The following MAP2K4 variants were observed in gnomAD, a reference collection of about 807,000 sequenced individuals.
MAP2K4 encodes dual specificity mitogen-activated protein kinase kinase 4.
In MAP2K4, 4 loss-of-function variants were observed where a neutral mutation model predicts 48.5. That is an observed-to-expected ratio of 0.08 (90% CI 0.04 to 0.19). MAP2K4 has a LOEUF of 0.19. MAP2K4 is among the 10% of genes least tolerant of loss of function. The pLI is 1.00. For missense variants in MAP2K4, 258 were observed against 493.3 expected, an observed-to-expected ratio of 0.52 and a Z score of 4.52; for synonymous variants, 166 against 173.1, an observed-to-expected ratio of 0.96 and a Z score of 0.32.
chr17:12,067,194 T>C (rs958005846), intron 2 of MAP2K4, among the ~76,000 whole-genome samples: 10 of 152,232 alleles, frequency 6.6e-5, no homozygotes, highest in Non-Finnish European at 1.3e-4. Flanking sequence ...TAGTTCCTTA[T>C]TGGTAGCTAT....
chr17:12,066,848 C>T (rs1336477607), intron 2 of MAP2K4, among the ~76,000 whole-genome samples: 4 of 152,240 alleles, frequency 2.6e-5, no homozygotes, highest in Admixed American at 2.6e-4. Flanking sequence ...CGCCACTGCG[C>T]CCGGCTAATT....
chr17:12,050,732 G>A (rs1215182795), intron 1 of MAP2K4, among the ~76,000 whole-genome samples: 1 of 152,084 alleles, frequency 6.6e-6, no homozygotes, highest in African/African-American at 2.4e-5. Flanking sequence ...GAATATTCAG[G>A]GCTCTTTATC....
chr17:12,080,362 A>G (rs965485614), intron 2 of MAP2K4, among the ~76,000 whole-genome samples: 3 of 152,168 alleles, frequency 2.0e-5, no homozygotes, highest in African/African-American at 4.8e-5. Context: ...CATTGTGTGT[A>G]TGGTTGATAG....
intron 1 of MAP2K4, among the ~76,000 whole-genome samples, chr17:12,022,904 A>T (rs1177704246): frequency 6.6e-6 from 1 of 152,170 alleles, no homozygotes; most frequent in Non-Finnish European, 1.5e-5. Flanking sequence ...TAGGCAGAGG[A>T]ACTGTGTGTA....
At chr17:12,078,838 CTG>C (rs1971095680) in intron 2 of MAP2K4, among the ~76,000 whole-genome samples, 1 of 152,088 alleles carries the variant, frequency 6.6e-6, no homozygotes, top group African/African-American at 2.4e-5. Context: ...AGTGCTGTAT[CTG>C]TGTATAGTCC....
At chr17:12,096,530 G>T (rs1398164089) in intron 4 of MAP2K4, among the ~76,000 whole-genome samples, 1 of 152,104 alleles carries the variant, frequency 6.6e-6, no homozygotes, top group Non-Finnish European at 1.5e-5. Context: ...GAACTGCTAA[G>T]CATTTCAAAT....
chr17:12,104,871 T>G, intron 4 of MAP2K4, among the ~76,000 whole-genome samples: 1 of 152,154 alleles, frequency 6.6e-6, no homozygotes, highest in East Asian at 1.9e-4. Flanking sequence ...AACTTTTGCT[T>G]TTTGCAAAAT....
At chr17:12,110,354 A>T in intron 5 of MAP2K4, 21 bp from the exon 6 acceptor site, 1 of 1,586,684 alleles carries the variant, frequency 6.3e-7, no homozygotes, top group Non-Finnish European at 8.6e-7. Context: ...TGTTTATCCC[A>T]TCTCTCCTTT....
rs575839656 is a variant in MAP2K4, at chr17:12,060,746, T to C, written c.218+5755T>C. ...ACTATGGGGTGTGTGTGTGTGTGTG[T>C]GCGCGCGTGTGTGTGTGTGGCTGGT... On this transcript the variant is annotated intron_variant, in intron 2 of 10. Coordinates refer to ENST00000353533, the MANE Select transcript of MAP2K4 (RefSeq NM_003010.4). Among the ~76,000 whole-genome samples, 303 of 143,680 alleles carry C rather than the reference T, an allele frequency of 2.1e-3. 2 individuals carry two copies. The highest frequency in any genetic ancestry group is 6.4e-3 in the South Asian group (27 of 4,208). The allele number at this position is 143,680 out of a possible 152,430, so 94.3% of individuals were successfully genotyped here.
rs28922869 is a variant in MAP2K4, at chr17:12,074,509, A to G, written c.219-6847A>G. On this transcript the variant is annotated intron_variant, in intron 2 of 10. Transcript: ENST00000353533. ...CTTCTAACTACTTTATTGGTTTCCA[A>G]TCAGGAAGCTTTCCACTCCAGTGGC... Among the ~76,000 whole-genome samples the G allele has an allele frequency of 1.0e-3, 152 of 152,304 alleles. 1 individual carries two copies. The highest frequency in any genetic ancestry group is 3.2e-3 in the African/African-American group (132 of 41,562).
At chr17:12,112,735 G>C (rs755585199) in intron 6 of MAP2K4, among the ~76,000 whole-genome samples, 5 of 152,116 alleles carry the variant, frequency 3.3e-5, no homozygotes, top group African/African-American at 7.2e-5. Flanking sequence ...AATGAGAAAG[G>C]GATTTGACAT....
Position 12,054,943 on chromosome 17 carries a change from C to G in MAP2K4, c.170C>G (p.Ala57Gly), listed in dbSNP as rs1348785378. ...NFANPPFKST[A>G]RFTLNPNPTG... ...GCAAATCCACCTTTCAAATCTACAG[C>G]AAGGTTTACTCTGAATCCCAATCCT... The change falls in exon 2 of 11, where the codon GCA (alanine) becomes GGA (glycine). Residue 57 changes from alanine to glycine, a missense_variant. Physicochemically the swap from Ala to Gly is moderately conservative, Grantham distance 60. This residue lies in a region of MAP2K4 where 132 missense variants were observed against 352.8 expected (regional missense o/e 0.37). Transcript: ENST00000353533. 3 of 1,612,424 alleles carry G rather than the reference C, an allele frequency of 1.9e-6. No individual in the cohort carries two copies. In the Admixed American group the frequency reaches 5.0e-5, roughly 27 times the overall value.
At position 12,069,573 on chromosome 17, in the gene MAP2K4, A is replaced by G. The variant is rs74910207; in HGVS notation, c.219-11783A>G. 4.5e-3 allele frequency: 1,169 copies of G among 260,874 alleles called. 19 individuals are homozygous for G. Among genetic ancestry groups the G allele is most frequent in the African/African-American group, 0.026 (1,128 of 43,546 alleles). The allele number at this position is 260,874 out of a possible 1,614,324, so 16.2% of individuals were successfully genotyped here. The stretch of plus-strand genomic sequence containing the variant: ...TACATTCTGTTCACTAAATATGAGT[A>G]TCAGAATTTGAAATTTTCTATTTAG... On this transcript the variant is annotated intron_variant, in intron 2 of 10. Coordinates refer to ENST00000353533, the MANE Select transcript of MAP2K4 (RefSeq NM_003010.4).
At chr17:12,077,931 A>G (rs1373414576) in intron 2 of MAP2K4, among the ~76,000 whole-genome samples, 24 of 152,180 alleles carry the variant, frequency 1.6e-4, no homozygotes, top group Non-Finnish European at 4.4e-5. Context: ...ATATGAGAAG[A>G]GAGTGAACTC....
intron 1 of MAP2K4, among the ~76,000 whole-genome samples, chr17:12,034,238 T>C (rs762553113): frequency 1.1e-4 from 16 of 152,372 alleles, no homozygotes; most frequent in South Asian, 4.1e-4. Flanking sequence ...TAAAAATGCT[T>C]TTGAATCTTC....
chr17:12,114,401 TG>T, intron 7 of MAP2K4, among the ~76,000 whole-genome samples: 1 of 91,616 alleles, frequency 1.1e-5, no homozygotes, highest in Admixed American at 1.1e-4. Context: ...TGTGTGTGTG[TG>T]TGTGTGTGTG....
chr17:12,086,599 C>T (rs57789434), intron 3 of MAP2K4, among the ~76,000 whole-genome samples: 1,605 of 152,288 alleles, frequency 0.011, 24 homozygotes, highest in African/African-American at 0.037. Context: ...ACTCTACCTG[C>T]AGCCATATTG....
chr17:12,043,565 C>T (rs1332611443), intron 1 of MAP2K4, among the ~76,000 whole-genome samples: 2 of 152,040 alleles, frequency 1.3e-5, no homozygotes, highest in Non-Finnish European at 2.9e-5. Context: ...TCAAACTTGA[C>T]CACAACCCCC....
intron 9 of MAP2K4, among the ~76,000 whole-genome samples, chr17:12,133,016 A>G (rs1211785349): frequency 6.6e-6 from 1 of 152,182 alleles, no homozygotes; most frequent in African/African-American, 2.4e-5. Flanking sequence ...TGGGGAAAAA[A>G]TCTGGAACCA....
Sources: gnomAD v4.1 joint callset for allele counts (sites outside exome capture counted in the v4.1 genomes callset) on GRCh38, gnomAD v4.1.1 for gene constraint, gnomAD v4.1.1 regional missense constraint, MANE v1.5 for transcripts, NCBI Gene and HGNC (gene_info 2026-07-23, HGNC 2026-07-21) for gene names.